Variants in OR51B5 observed in about 807,000 individuals in gnomAD.
The protein encoded by OR51B5 is olfactory receptor family 51 subfamily B member 5, also known as olfactory receptor 51B5.
For missense variants in OR51B5, 456 were observed against 374.6 expected (o/e 1.22, Z -1.79); for synonymous variants, 186 against 144.8 (o/e 1.28, Z -2.04).
intron 1 of OR51B5, among the ~76,000 whole-genome samples, chr11:5,442,391 A>G (rs1157360051): frequency 6.6e-6 from 1 of 152,176 alleles, no homozygotes; most frequent in Non-Finnish European, 1.5e-5. Context: ...CTCCTTCTCC[A>G]AGGACAGGCT....
chr11:5,441,425 G>C (rs1850687973), intron 1 of OR51B5: 3 of 1,613,792 alleles, frequency 1.9e-6, no homozygotes, highest in Non-Finnish European at 2.5e-6. Context: ...AGAAAATCAG[G>C]GCAACCCAGG....
chr11:5,371,671 A>G (rs1849450313), intron 1 of OR51B5, among the ~76,000 whole-genome samples: 1 of 152,162 alleles, frequency 6.6e-6, no homozygotes, highest in African/African-American at 2.4e-5. Context: ...TATAGGATAT[A>G]TGTGTACATA....
chr11:5,342,526 G>T (rs1589941351), downstream of OR51B5: 1 of 1,515,460 alleles, frequency 6.6e-7, no homozygotes, highest in East Asian at 2.3e-5. Context: ...AGACTTCTTT[G>T]CTCTCCTGCT....
intron 1 of OR51B5, among the ~76,000 whole-genome samples, chr11:5,425,416 A>C (rs184570649): frequency 6.6e-6 from 1 of 152,328 alleles, no homozygotes; most frequent in African/African-American, 2.4e-5. Context: ...ACTTAACTAG[A>C]AATCAGATGA....
upstream of OR51B5, among the ~76,000 whole-genome samples, chr11:5,345,602 G>C (rs1848978287): frequency 6.6e-6 from 1 of 152,178 alleles, no homozygotes; most frequent in African/African-American, 2.4e-5. Context: ...AGCTGAATTA[G>C]AGCAAATGCA....
At chr11:5,422,687 T>C (rs1235140761) in intron 1 of OR51B5, 1 of 1,613,990 alleles carries the variant, frequency 6.2e-7, no homozygotes, top group African/African-American at 1.3e-5. Flanking sequence ...TCCCTCCCTT[T>C]TCTTACTCAA....
chr11:5,491,539 G>T (rs1432815255), intron 1 of OR51B5, among the ~76,000 whole-genome samples: 2 of 152,184 alleles, frequency 1.3e-5, no homozygotes, highest in Non-Finnish European at 2.9e-5. Flanking sequence ...CAGCAAAGAG[G>T]ATTACTGAAA....
At chr11:5,396,618 G>T (rs7938689) in intron 1 of OR51B5, among the ~76,000 whole-genome samples, 31 of 151,926 alleles carry the variant, frequency 2.0e-4, no homozygotes, top group African/African-American at 7.0e-4. Flanking sequence ...CGTGAAAATG[G>T]CCATACTGCC....
At chr11:5,379,154 C>T (rs1034823854) in intron 1 of OR51B5, among the ~76,000 whole-genome samples, 4 of 151,864 alleles carry the variant, frequency 2.6e-5, no homozygotes, top group African/African-American at 9.7e-5. Context: ...AGTTCATGTC[C>T]TTTGTAGGGA....
intron 1 of OR51B5, among the ~76,000 whole-genome samples, chr11:5,493,848 AGAT>A (rs1757196111): frequency 6.6e-6 from 1 of 152,202 alleles, no homozygotes; most frequent in Non-Finnish European, 1.5e-5. Context: ...CACCTCCAGA[AGAT>A]GATGTTAGAC....
intron 1 of OR51B5, among the ~76,000 whole-genome samples, chr11:5,439,412 G>C (rs1226360052): frequency 6.6e-6 from 1 of 152,092 alleles, no homozygotes; most frequent in African/African-American, 2.4e-5. Flanking sequence ...CACTTTAAAA[G>C]TCATTCACAA....
chr11:5,475,240 CATG>C (rs1186008910), intron 1 of OR51B5, among the ~76,000 whole-genome samples: 4 of 152,162 alleles, frequency 2.6e-5, no homozygotes, highest in Middle Eastern at 3.2e-3. Context: ...ATGCTATTTT[CATG>C]ATGATAAAAT....
At chr11:5,464,896 C>T (rs1393380487) in intron 1 of OR51B5, among the ~76,000 whole-genome samples, 1 of 152,154 alleles carries the variant, frequency 6.6e-6, no homozygotes, top group Non-Finnish European at 1.5e-5. Flanking sequence ...AGTTTACAGT[C>T]CCACCAACAG....
At chr11:5,489,315 A>T in intron 1 of OR51B5, 1 of 1,609,368 alleles carries the variant, frequency 6.2e-7, no homozygotes, top group Non-Finnish European at 8.5e-7. Context: ...TCTATGGGCT[A>T]ACTGTGGCTC....
chr11:5,372,399 G>A (rs1399521842), intron 1 of OR51B5, among the ~76,000 whole-genome samples: 1 of 152,130 alleles, frequency 6.6e-6, no homozygotes, highest in East Asian at 1.9e-4. Flanking sequence ...ATGCACAAGA[G>A]TTCTCCTTTC....
chr11:5,387,589 T>C (rs1849718036), intron 1 of OR51B5, among the ~76,000 whole-genome samples: 1 of 152,202 alleles, frequency 6.6e-6, no homozygotes, highest in Non-Finnish European at 1.5e-5. Context: ...TGACGTAGCA[T>C]TTAGCTGCTA....
chr11:5,460,144 A>T (rs1387800577), intron 1 of OR51B5, among the ~76,000 whole-genome samples: 1 of 152,200 alleles, frequency 6.6e-6, no homozygotes, highest in Non-Finnish European at 1.5e-5. Flanking sequence ...ACTAATGCAG[A>T]AACAGAAAAC....
exon 1 of OR51B5, chr11:5,343,148 T>A (rs1848926999): frequency 6.2e-7 from 1 of 1,613,642 alleles, no homozygotes; most frequent in African/African-American, 1.3e-5. Context: ...TCTAAGAGGG[T>A]TGCAGATGGC....
chr11:5,363,055 T>C lies in OR51B5; in HGVS notation n.85-16145A>G, dbSNP rs75248929. Among the ~76,000 whole-genome samples the C allele has an allele frequency of 3.9e-3, 590 of 150,880 alleles. 2 individuals carry two copies. Among genetic ancestry groups the C allele is most frequent in the African/African-American group, 0.01 (421 of 41,086 alleles). Reference sequence around the variant, plus strand: ...GAAAAGGAGCCCAAGGAAATGCAAGTGTTGTAAAATGTGCTAAGTAGATGT... The same window carrying C: ...GAAAAGGAGCCCAAGGAAATGCAAGCGTTGTAAAATGTGCTAAGTAGATGT... On this transcript the variant is annotated intron_variant and non_coding_transcript_variant, in intron 1 of 4. Transcript: ENST00000415970.
Sources: gnomAD v4.1 joint callset for allele counts (sites outside exome capture counted in the v4.1 genomes callset) on GRCh38, gnomAD v4.1.1 for gene constraint, MANE v1.5 for transcripts, NCBI Gene and HGNC (gene_info 2026-07-23, HGNC 2026-07-21) for gene names.